Variants in TET1 observed in about 807,000 individuals in gnomAD.
TET1 encodes the protein tet methylcytosine dioxygenase 1.
Under a neutral mutation model 148.7 loss-of-function variants are expected in TET1, and 13 were observed. The ratio of observed to expected loss-of-function variants is 0.09; its 90% confidence interval spans 0.06 to 0.14. The LOEUF (loss-of-function observed/expected upper bound fraction) is 0.14. Ranked by LOEUF, TET1 falls within the 10% of genes least tolerant of loss-of-function variation. The pLI, the probability that TET1 is intolerant of heterozygous loss-of-function variation, is 1.00. For missense variants in TET1, 2,182 were observed against 2,553.8 expected, an observed-to-expected ratio of 0.85 and a Z score of 3.14; for synonymous variants, 907 against 937.2, an observed-to-expected ratio of 0.97 and a Z score of 0.59.
chr10:68,564,662 A>G (rs997236705), intron 1 of TET1, among the ~76,000 whole-genome samples: 2 of 152,142 alleles, frequency 1.3e-5, no homozygotes, highest in African/African-American at 4.8e-5. Context: ...TTTTCTTCTC[A>G]TATCATGTTA....
At chr10:68,679,830 C>T (rs2055412618) in intron 8 of TET1, among the ~76,000 whole-genome samples, 1 of 152,166 alleles carries the variant, frequency 6.6e-6, no homozygotes, top group Non-Finnish European at 1.5e-5. Flanking sequence ...CATGCCACCA[C>T]ACCTGGCTAA....
At chr10:68,664,412 T>A (rs984212820) in intron 6 of TET1, among the ~76,000 whole-genome samples, 2 of 142,212 alleles carry the variant, frequency 1.4e-5, no homozygotes, top group African/African-American at 5.6e-5. Context: ...TTTATTTTTT[T>A]ATTTTTTTTA....
In TET1 at chr10:68,646,115, C is replaced by T. The variant is rs1218929691; in HGVS notation, c.3386C>T (p.Ser1129Leu). The T allele has an allele frequency of 6.2e-7, 1 of 1,613,830 alleles. No individual in the cohort carries two copies. Among genetic ancestry groups the T allele is most frequent in the African/African-American group, 1.3e-5 (1 of 74,892 alleles). Residue 1129 changes from serine (S) to leucine (L), a missense_variant, in exon 4 of 12, where the codon TCA becomes TTA. Ser to Leu is a moderately radical substitution (Grantham distance 145). Coordinates refer to ENST00000373644, the MANE Select transcript of TET1 (RefSeq NM_030625.3). Reference sequence around the variant, plus strand: ...GGCACAATACAACAGAAACCACCTTCAAGTGTACACAATAATCATGGTTCA... The same window carrying T: ...GGCACAATACAACAGAAACCACCTTTAAGTGTACACAATAATCATGGTTCA... ...EKGTIQQKPPSSVHNNHGSSL... is the reference protein window; with the variant it reads ...EKGTIQQKPPLSVHNNHGSSL...
chr10:68,640,279 T>C (rs77104385), intron 3 of TET1, among the ~76,000 whole-genome samples: 6 of 150,814 alleles, frequency 4.0e-5, no homozygotes, highest in African/African-American at 2.4e-5. Context: ...TTTTTTTTTT[T>C]CTGAGAGGGA....
chr10:68,582,614 C>T (rs1179034999), intron 2 of TET1, among the ~76,000 whole-genome samples: 1 of 152,142 alleles, frequency 6.6e-6, no homozygotes, highest in South Asian at 2.1e-4. Context: ...AGTTCCAGGG[C>T]TGTCATTTCA....
At chr10:68,660,633 ATTTT>A (rs34262975) in intron 6 of TET1, among the ~76,000 whole-genome samples, 1 of 126,838 alleles carries the variant, frequency 7.9e-6, no homozygotes. Flanking sequence ...TGCCTGGCCA[ATTTT>A]TTTTTTTTTT....
At chr10:68,657,119 C>A (rs2055034607) in intron 6 of TET1, among the ~76,000 whole-genome samples, 1 of 152,150 alleles carries the variant, frequency 6.6e-6, no homozygotes, top group Non-Finnish European at 1.5e-5. Flanking sequence ...GGGAGGACCA[C>A]TGGAGCCCAG....
chr10:68,609,249 C>G (rs927706887), intron 3 of TET1, among the ~76,000 whole-genome samples: 3 of 152,046 alleles, frequency 2.0e-5, no homozygotes, highest in Admixed American at 2.0e-4. Context: ...GCAACCTCCA[C>G]CTCCCAGGTT....
At position 68,609,203 on chromosome 10, in the gene TET1, C is replaced by T. The variant is rs572214235; in HGVS notation, c.1968+8169C>T. Among the ~76,000 whole-genome samples the T allele has an allele frequency of 2.6e-5, 4 of 152,054 alleles. No individual in the cohort carries two copies. The South Asian group carries it at 8.3e-4, about 32-fold the overall frequency. ...TGAGATGGAGTTTCGCTCTTGTTGCCCAGGCTGGAGTGCAATGGCGTGATC... is the reference window on the plus strand; with the variant it reads ...TGAGATGGAGTTTCGCTCTTGTTGCTCAGGCTGGAGTGCAATGGCGTGATC... On this transcript the variant is annotated intron_variant, in intron 3 of 11. Transcript: ENST00000373644.
chr10:68,618,666 C>A (rs1013997426), intron 3 of TET1, among the ~76,000 whole-genome samples: 1 of 152,252 alleles, frequency 6.6e-6, no homozygotes, highest in Non-Finnish European at 1.5e-5. Flanking sequence ...ACAAAAATTA[C>A]CTCTGAGTGA....
chr10:68,573,991 C>T lies in TET1; in HGVS notation c.1653C>T (p.Thr551=), dbSNP rs1362082302. The change falls in exon 2 of 12, where the codon ACC becomes ACT. Residue 551 remains threonine, a synonymous_variant. Transcript: ENST00000373644. ...GAGGGAGCTCCCAGGTCAGTGTAACCAGCACAGTTCATGTTGTCAACACCA... is the reference window on the plus strand; with the variant it reads ...GAGGGAGCTCCCAGGTCAGTGTAACTAGCACAGTTCATGTTGTCAACACCA... ...SDRGSSQVSV[T]STVHVVNTTV... is the part of the protein sequence containing the mutation. 3.1e-6 allele frequency: 5 copies of T among 1,614,128 alleles called. No homozygotes were observed. Among genetic ancestry groups the T allele is most frequent in the Non-Finnish European group, 4.2e-6 (5 of 1,180,020 alleles).
At chr10:68,644,476 G>A (rs905571965) in intron 3 of TET1, among the ~76,000 whole-genome samples, 2 of 152,158 alleles carry the variant, frequency 1.3e-5, no homozygotes, top group African/African-American at 2.4e-5. Context: ...AAAGTGCTGC[G>A]ATTACAGGTG....
At chr10:68,593,032 G>A (rs1034387397) in intron 2 of TET1, among the ~76,000 whole-genome samples, 10 of 151,962 alleles carry the variant, frequency 6.6e-5, no homozygotes, top group Admixed American at 2.6e-4. Context: ...TCAAGAGATC[G>A]AGACCATCCT....
chr10:68,668,062 A>C (rs950617428), intron 7 of TET1, among the ~76,000 whole-genome samples: 6 of 152,168 alleles, frequency 3.9e-5, no homozygotes, highest in Non-Finnish European at 8.8e-5. Context: ...ATGACTAAAA[A>C]CCATTTGGCT....
chr10:68,599,414 G>A (rs1457479114), intron 2 of TET1, among the ~76,000 whole-genome samples: 1 of 152,256 alleles, frequency 6.6e-6, no homozygotes, highest in Non-Finnish European at 1.5e-5. Context: ...AGACCAGCCA[G>A]CTCACCACAG....
rs542986381 is a variant in TET1 at position 68,578,645 on chromosome 10, C to T, written c.1914+4393C>T. On this transcript the variant is annotated intron_variant, in intron 2 of 11. Transcript: ENST00000373644. ...TAACGAGTCCTGATAAGAATTTTTA[C>T]ATTTAGCTAGGATTTGGACAAAGCC... is the stretch of plus-strand genomic sequence containing the variant. Among the ~76,000 whole-genome samples, 5 of 152,158 alleles carry T rather than the reference C, an allele frequency of 3.3e-5. No individual in the cohort carries two copies. The South Asian group carries it at 1.0e-3, about 32-fold the overall frequency.
At chr10:68,642,077 T>G (rs1338588455) in intron 3 of TET1, among the ~76,000 whole-genome samples, 4 of 152,240 alleles carry the variant, frequency 2.6e-5, no homozygotes, top group Non-Finnish European at 4.4e-5. Flanking sequence ...GAGTTATCAT[T>G]CTTTTTACAA....
At chr10:68,649,059 T>G (rs2054892374) in intron 4 of TET1, among the ~76,000 whole-genome samples, 1 of 152,194 alleles carries the variant, frequency 6.6e-6, no homozygotes, top group African/African-American at 2.4e-5. Flanking sequence ...GAGAAGAAAG[T>G]AATCATCATA....
intron 3 of TET1, among the ~76,000 whole-genome samples, chr10:68,643,104 CAAA>C (rs1383470476): frequency 6.6e-6 from 1 of 151,020 alleles, no homozygotes; most frequent in Non-Finnish European, 1.5e-5. Flanking sequence ...ACAACAAATA[CAAA>C]AAAATTAGCC....
Sources: allele counts gnomAD v4.1 joint callset (sites outside exome capture counted in the v4.1 genomes callset), GRCh38; gene constraint gnomAD v4.1.1; transcripts MANE v1.5; gene names NCBI Gene and HGNC (gene_info 2026-07-23, HGNC 2026-07-21).